The following WWC2 variants were observed in gnomAD, a reference collection of about 807,000 sequenced individuals.
The protein encoded by WWC2 is protein WWC2.
WWC2 carries 101 observed loss-of-function variants against 138.5 expected under a neutral mutation model. The observed-to-expected ratio is 0.73, with a 90% confidence interval of 0.62 to 0.86. WWC2 has a LOEUF of 0.86. WWC2 is among the 40% of genes least tolerant of loss of function. The pLI, the probability that WWC2 is intolerant of heterozygous loss-of-function variation, is 0.00. For synonymous variants in WWC2, 558 were observed against 538.4 expected (o/e 1.04, Z -0.50); for missense variants, 1,420 against 1,419.4 (o/e 1.00, Z -0.01).
chr4:183,117,215 CTTTT>C lies in WWC2; in HGVS notation c.131+17615_131+17618del, dbSNP rs923478529. Among the ~76,000 whole-genome samples, 12 of 95,664 alleles carry C rather than the reference CTTTT, an allele frequency of 1.3e-4. No homozygotes were observed. In the East Asian group the frequency reaches 1.5e-3, roughly 12 times the overall value. The allele number at this position is 95,664 out of a possible 152,430, so 62.8% of individuals were successfully genotyped here. ...GTTCCAGCTCTTCCACATTCTTCTT[CTTTT>C]TTTTTTTTTTTTTTTTTTTTTGATG... is the stretch of plus-strand genomic sequence containing the variant. On this transcript the variant is annotated intron_variant, in intron 1 of 22. Coordinates refer to ENST00000403733, the MANE Select transcript of WWC2 (RefSeq NM_024949.6).
intron 1 of WWC2, among the ~76,000 whole-genome samples, chr4:183,152,326 C>G (rs1020615742): frequency 2.6e-5 from 4 of 151,726 alleles, no homozygotes; most frequent in East Asian, 1.9e-4. Context: ...TAGTGAGACC[C>G]TGTCTCTACA....
intron 1 of WWC2, among the ~76,000 whole-genome samples, chr4:183,104,447 A>G (rs1269083293): frequency 6.6e-6 from 1 of 152,218 alleles, no homozygotes; most frequent in African/African-American, 2.4e-5. Flanking sequence ...TAAAATAATA[A>G]GAGAATTGAG....
intron 4 of WWC2, among the ~76,000 whole-genome samples, chr4:183,236,397 T>G (rs1438226437): frequency 2.0e-5 from 3 of 151,998 alleles, no homozygotes; most frequent in Non-Finnish European, 4.4e-5. Flanking sequence ...AGAACAAATT[T>G]ATAGACAGAA....
At chr4:183,295,421 T>C (rs1218516510) in intron 21 of WWC2, among the ~76,000 whole-genome samples, 3 of 152,178 alleles carry the variant, frequency 2.0e-5, no homozygotes, top group African/African-American at 7.2e-5. Context: ...AATAGATCAA[T>C]ACAGCCTGTA....
chr4:183,308,515 T>C (rs76627118), intron 21 of WWC2, among the ~76,000 whole-genome samples: 12,757 of 152,110 alleles, frequency 0.084, 706 homozygotes, highest in South Asian at 0.16. Context: ...GGTGAAAAAA[T>C]AGACAAATCA....
At chr4:183,146,152 C>T (rs1434666970) in intron 1 of WWC2, among the ~76,000 whole-genome samples, 1 of 152,160 alleles carries the variant, frequency 6.6e-6, no homozygotes, top group Non-Finnish European at 1.5e-5. Context: ...GAATGGTGGT[C>T]CCAGTCCTTT....
intron 1 of WWC2, among the ~76,000 whole-genome samples, chr4:183,117,904 G>T (rs1025370399): frequency 3.9e-5 from 6 of 152,074 alleles, no homozygotes; most frequent in Admixed American, 2.0e-4. Flanking sequence ...GGGTTCAAGC[G>T]ATTCTCCTGC....
In WWC2 at chr4:183,187,786, T is replaced by C. The variant is rs552238856; in HGVS notation, c.132-5813T>C. Among the ~76,000 whole-genome samples the C allele has an allele frequency of 2.0e-4, 30 of 151,400 alleles. No individual in the cohort carries two copies. The South Asian group carries it at 5.4e-3, about 27-fold the overall frequency. On this transcript the variant is annotated intron_variant, in intron 1 of 22. Transcript: ENST00000403733. ...TACTTGGGAGGCTGAGGCAGGAGAA[T>C]CACTTGAACCTGGGAGGCAGAGGTT... is the stretch of plus-strand genomic sequence containing the variant.
chr4:183,240,129 CTG>C (rs997207276), intron 4 of WWC2, 52 bp from the exon 5 acceptor site: 19 of 1,275,398 alleles, frequency 1.5e-5, no homozygotes, highest in Admixed American at 5.0e-5. Flanking sequence ...AAACTGTAGA[CTG>C]TGTTGCTAAT....
At position 183,320,164 on chromosome 4, in the gene WWC2, G is replaced by A. The variant is rs766982242; in HGVS notation, c.*4435G>A. Reference sequence around the variant, plus strand: ...GTAAGACAGGATAAAACCCATCCCAGCAAAGATAATGAAACTCCAGCTAGT... The same window carrying A: ...GTAAGACAGGATAAAACCCATCCCAACAAAGATAATGAAACTCCAGCTAGT... On this transcript the variant is annotated 3_prime_UTR_variant, in exon 23 of 23. Transcript: ENST00000403733. 1.0e-4 allele frequency: 168 copies of A among 1,613,996 alleles called. No homozygotes were observed. The highest frequency in any genetic ancestry group is 1.4e-4 in the Non-Finnish European group (162 of 1,180,006).
chr4:183,178,233 T>C (rs1490174659), intron 1 of WWC2, among the ~76,000 whole-genome samples: 1 of 152,070 alleles, frequency 6.6e-6, no homozygotes, highest in Non-Finnish European at 1.5e-5. Flanking sequence ...TAACAATAGC[T>C]GTAGACTGCA....
At chr4:183,286,151 T>G in intron 20 of WWC2, 92 bp downstream of exon 20, 1 of 1,218,040 alleles carries the variant, frequency 8.2e-7, no homozygotes, top group East Asian at 2.6e-5. Context: ...AGAATGAATG[T>G]CAGTGCTCCA....
intron 1 of WWC2, among the ~76,000 whole-genome samples, chr4:183,124,612 C>T (rs1579961433): frequency 1.5e-5 from 2 of 134,548 alleles, no homozygotes; most frequent in East Asian, 2.3e-4. Context: ...TTTTTTGAGA[C>T]GGAGTCTTGC....
intron 21 of WWC2, among the ~76,000 whole-genome samples, chr4:183,296,049 C>CTATTGCAG (rs2111089509): frequency 6.6e-6 from 1 of 152,250 alleles, no homozygotes; most frequent in Admixed American, 6.5e-5. Context: ...TGCAGGGCAC[C>CTATTGCAG]GCCTAAAAAT....
At chr4:183,228,209 A>G (rs1226153401) in intron 4 of WWC2, among the ~76,000 whole-genome samples, 1 of 152,084 alleles carries the variant, frequency 6.6e-6, no homozygotes, top group Non-Finnish European at 1.5e-5. Flanking sequence ...GAAGTGATAG[A>G]TTTTATGGCA....
chr4:183,120,701 T>C (rs183688873), intron 1 of WWC2, among the ~76,000 whole-genome samples: 3 of 152,326 alleles, frequency 2.0e-5, no homozygotes, highest in Non-Finnish European at 2.9e-5. Context: ...TTTTACCTTA[T>C]CTTTAGTTTT....
rs999433733 is a variant in WWC2 at position 183,316,964 on chromosome 4, C to T, written c.*1235C>T. ...CCTCCAGTTTAGAATTTCACCTTAC[C>T]CGACCCAGGCACTTCTTAAAAACAC... On this transcript the variant is annotated 3_prime_UTR_variant, in exon 23 of 23. Transcript: ENST00000403733. The T allele has an allele frequency of 6.6e-6, 1 of 152,034 alleles. No individual in the cohort carries two copies. Among genetic ancestry groups the T allele is most frequent in the African/African-American group, 2.4e-5 (1 of 41,374 alleles). 9.4% of individuals were successfully genotyped at this position (152,034 alleles called of 1,614,324 possible).
In WWC2 at chr4:183,319,594, G is replaced by T; in HGVS notation, c.*3865G>T. 1 of 1,613,580 alleles carries T rather than the reference G, an allele frequency of 6.2e-7. No individual in the cohort carries two copies. The highest frequency in any genetic ancestry group is 8.5e-7 in the Non-Finnish European group (1 of 1,179,838). ...TTGGTGTTTCTCGTCTCCAGTTCTT[G>T]ATGATGATCTTGTGTTTGTGCCACT... On this transcript the variant is annotated 3_prime_UTR_variant, in exon 23 of 23. Coordinates refer to ENST00000403733, the MANE Select transcript of WWC2 (RefSeq NM_024949.6).
intron 1 of WWC2, among the ~76,000 whole-genome samples, chr4:183,186,499 A>C (rs551095505): frequency 6.6e-4 from 100 of 152,308 alleles, no homozygotes; most frequent in African/African-American, 2.2e-3. Context: ...TTAGTAAGTG[A>C]ATGTCAAAAG....
Sources: allele counts gnomAD v4.1 joint callset (sites outside exome capture counted in the v4.1 genomes callset), GRCh38; gene constraint gnomAD v4.1.1; transcripts MANE v1.5; gene names NCBI Gene and HGNC (gene_info 2026-07-23, HGNC 2026-07-21).